The following THAP4 variants were observed in gnomAD, a reference collection of about 807,000 sequenced individuals.
THAP4 encodes the protein THAP domain containing 4.
Under a neutral mutation model 48.1 loss-of-function variants are expected in THAP4, and 18 were observed. The observed-to-expected ratio is 0.37, with a 90% CI of 0.26 to 0.56. The LOEUF (loss-of-function observed/expected upper bound fraction) is 0.56, where lower values mean the gene tolerates loss of function less well. THAP4 is among the 20% of genes least tolerant of loss of function. The pLI is 0.78. For missense variants in THAP4, 656 were observed against 774.9 expected, an observed-to-expected ratio of 0.85 and a Z score of 1.82; for synonymous variants, 345 against 324.9, an observed-to-expected ratio of 1.06 and a Z score of -0.66.
At chr2:241,627,476 G>A (rs1417105880) in intron 2 of THAP4, among the ~76,000 whole-genome samples, 3 of 152,298 alleles carry the variant, frequency 2.0e-5, no homozygotes, top group Admixed American at 6.5e-5. Flanking sequence ...CGCTGCTGGC[G>A]GAGAAGAACA....
intron 2 of THAP4, among the ~76,000 whole-genome samples, chr2:241,614,815 G>C (rs1320125391): frequency 6.6e-6 from 1 of 152,162 alleles, no homozygotes; most frequent in East Asian, 1.9e-4. Flanking sequence ...CTTGAAACTG[G>C]GAGGCAGAGG....
rs1337650456 is a variant in THAP4 at position 241,632,935 on chromosome 2, G to C, written c.1222C>G (p.Leu408Val). ...TACTGACCGCGGCTGGGCGACAGCAGGCTACTTGGATAGGGGACGCTCACT... is the reference window on the plus strand; with the variant it reads ...TACTGACCGCGGCTGGGCGACAGCACGCTACTTGGATAGGGGACGCTCACT... ...RRVSVPYPSS[L>V]LSPSREPPKM... Residue 408 changes from leucine (L) to valine (V), a missense_variant, in exon 2 of 6, where the codon CTG becomes GTG. Leu to Val is a conservative substitution (Grantham distance 32). This residue lies in a region of THAP4 where 176 missense variants were observed against 256.7 expected (regional missense o/e 0.69). Coordinates refer to ENST00000407315, the MANE Select transcript of THAP4 (RefSeq NM_015963.6). The C allele has an allele frequency of 2.5e-6, 4 of 1,605,328 alleles. No homozygotes were observed. The highest frequency in any genetic ancestry group is 2.2e-5 in the South Asian group (2 of 90,208).
At chr2:241,617,433 TCCGGACAC>T in intron 2 of THAP4, 2 of 1,551,580 alleles carry the variant, frequency 1.3e-6, no homozygotes, top group Non-Finnish European at 8.7e-7. Flanking sequence ...TTTTCTAAAC[TCCGGACAC>T]TCGTCAAGGT....
In THAP4 at chr2:241,610,562, C is replaced by G. The variant is rs1210462093; in HGVS notation, c.1241-4089G>C. ...CTCCACAGACCACAGCGACCGCGCC[C>G]CTCGGCCCGGAGGCCCCGCCCTCCC... On this transcript the variant is annotated intron_variant, in intron 2 of 5. Transcript: ENST00000407315. The surrounding 1 kb of genome is among the most constrained non-coding windows in gnomAD (Gnocchi z 4.2). Among the ~76,000 whole-genome samples, 1 of 152,180 alleles carries G rather than the reference C, an allele frequency of 6.6e-6. No homozygotes were observed. The highest frequency in any genetic ancestry group is 6.5e-5 in the Admixed American group (1 of 15,286).
At chr2:241,590,801 CTGA>C (rs1243353802) in intron 5 of THAP4, among the ~76,000 whole-genome samples, 37 of 150,050 alleles carry the variant, frequency 2.5e-4, no homozygotes, top group Non-Finnish European at 3.3e-4. Context: ...AGCTGCTCGG[CTGA>C]TGATAATGGG....
At chr2:241,626,570 GTT>G (rs569065667) in intron 2 of THAP4, among the ~76,000 whole-genome samples, 2 of 144,608 alleles carry the variant, frequency 1.4e-5, no homozygotes, top group African/African-American at 2.5e-5. Flanking sequence ...AACAGTTTTT[GTT>G]TTTTTTTTTT....
chr2:241,627,533 C>T (rs1575038101), intron 2 of THAP4, among the ~76,000 whole-genome samples: 1 of 152,332 alleles, frequency 6.6e-6, no homozygotes, highest in Non-Finnish European at 1.5e-5. Flanking sequence ...AGCGTGGCTT[C>T]AACCCACCTC....
chr2:241,595,665 G>A (rs2067038488), intron 5 of THAP4, among the ~76,000 whole-genome samples: 1 of 151,730 alleles, frequency 6.6e-6, no homozygotes, highest in African/African-American at 2.4e-5. Context: ...AGAAATACAT[G>A]AGACATGCTG....
intron 2 of THAP4, among the ~76,000 whole-genome samples, chr2:241,607,059 G>C (rs956494310): frequency 1.3e-5 from 2 of 152,152 alleles, no homozygotes; most frequent in Admixed American, 6.5e-5. Context: ...GTTTAAAAGG[G>C]AAGTAAGACC....
chr2:241,633,936 C>A lies in THAP4; in HGVS notation c.221G>T (p.Arg74Leu), dbSNP rs1284465279. Residue 74 changes from arginine (R) to leucine (L), a missense_variant, in exon 2 of 6, where the codon CGC becomes CTC. Arg to Leu is a moderately radical substitution (Grantham distance 102). Coordinates refer to ENST00000407315, the MANE Select transcript of THAP4 (RefSeq NM_015963.6). This position sits in a 1 kb window ranked among gnomAD's most constrained non-coding sequence, Gnocchi z 7.5. ...TGGCACGGCCGTGGGCTTCAGCAGG[C>A]GATGCTGGTCCTCCAGCCTCTTGGA... ...SFSKRLEDQH[R>L]LLKPTAVPSI... is the part of the protein sequence containing the mutation. The A allele has an allele frequency of 6.2e-7, 1 of 1,614,154 alleles. No homozygotes were observed. The highest frequency in any genetic ancestry group is 1.1e-5 in the South Asian group (1 of 91,082).
At chr2:241,608,059 C>G (rs898756943) in intron 2 of THAP4, among the ~76,000 whole-genome samples, 1 of 151,998 alleles carries the variant, frequency 6.6e-6, no homozygotes, top group Admixed American at 6.6e-5. Context: ...GTTCTTGGAA[C>G]CATCGCAGCT....
intron 2 of THAP4, among the ~76,000 whole-genome samples, chr2:241,611,318 G>A (rs1284871261): frequency 1.3e-5 from 2 of 149,488 alleles, no homozygotes; most frequent in African/African-American, 2.4e-5. Context: ...CACCCCACGC[G>A]TCTGCCCAGG....
intron 4 of THAP4, 21 bp downstream of exon 4, chr2:241,602,949 G>T: frequency 6.3e-7 from 1 of 1,592,462 alleles, no homozygotes; most frequent in South Asian, 1.1e-5. Context: ...CAGCCCTCCC[G>T]CCCCGCAAGC....
intron 2 of THAP4, 108 bp from the exon 3 acceptor site, chr2:241,606,581 C>T (rs1410107731): frequency 2.1e-5 from 23 of 1,113,932 alleles, no homozygotes; most frequent in Non-Finnish European, 2.6e-5. Context: ...GTGGCCACAG[C>T]TAATCCTGGG....
chr2:241,632,447 C>T (rs1197820747), intron 2 of THAP4, among the ~76,000 whole-genome samples: 3 of 152,046 alleles, frequency 2.0e-5, no homozygotes. Context: ...TATTAATGTT[C>T]ATGATGATTT....
rs138391452 is a variant in THAP4, at chr2:241,612,932, C to G, written c.1241-6459G>C. ...ACAAACTAGATTCCGAAAACTCAGT[C>G]CAAAAAGTCTTCAAATAATTCAATA... On this transcript the variant is annotated intron_variant, in intron 2 of 5. Transcript: ENST00000407315. The surrounding 1 kb of genome is among the most constrained non-coding windows in gnomAD (Gnocchi z 4.1). Among the ~76,000 whole-genome samples, 615 of 152,272 alleles carry G rather than the reference C, an allele frequency of 4.0e-3. 4 individuals are homozygous for G. Among genetic ancestry groups the G allele is most frequent in the African/African-American group, 0.014 (591 of 41,552 alleles).
intron 2 of THAP4, among the ~76,000 whole-genome samples, chr2:241,628,291 C>A (rs996374371): frequency 2.0e-5 from 3 of 151,986 alleles, no homozygotes; most frequent in Admixed American, 2.0e-4. Flanking sequence ...TAGAACCACA[C>A]TCGACCCCCC....
rs192107707 is a variant in THAP4 at position 241,602,804 on chromosome 2, G to A, written c.1510+166C>T. 4.4e-3 allele frequency among the ~76,000 whole-genome samples: 674 copies of A among 152,298 alleles called. 6 individuals carry two copies. The highest frequency in any genetic ancestry group is 0.031 in the South Asian group (149 of 4,830). ...CGGAGGCCCCTACAGCTACACAGTC[G>A]GCCCCGCAGGCTCCCAGGACCACTC... is the stretch of plus-strand genomic sequence containing the variant. On this transcript the variant is annotated intron_variant, in intron 4 of 5. Coordinates refer to ENST00000407315, the MANE Select transcript of THAP4 (RefSeq NM_015963.6).
chr2:241,617,458 A>T, intron 2 of THAP4: 1 of 1,551,196 alleles, frequency 6.4e-7, no homozygotes, highest in Non-Finnish European at 8.7e-7. Context: ...AGGTTCCTCA[A>T]GGTTGTTTTC....
Sources: gnomAD v4.1 joint callset for allele counts (sites outside exome capture counted in the v4.1 genomes callset) on GRCh38, gnomAD v4.1.1 for gene constraint, gnomAD v4.1.1 regional missense constraint, Gnocchi (gnomAD v3.1) non-coding constraint, MANE v1.5 for transcripts, NCBI Gene and HGNC (gene_info 2026-07-23, HGNC 2026-07-21) for gene names.